The following ARHGAP26 variants were observed in gnomAD, a reference collection of about 807,000 sequenced individuals.
ARHGAP26 encodes the protein Rho GTPase activating protein 26.
A neutral mutation model predicts 104.8 loss-of-function variants in ARHGAP26; 38 were observed. That is an observed-to-expected ratio of 0.36 (90% CI 0.28 to 0.48). The LOEUF is 0.48. ARHGAP26 is among the 20% of genes least tolerant of loss of function. The pLI is 0.99. For synonymous variants in ARHGAP26, 341 were observed against 340.0 expected (o/e 1.00, Z -0.03); for missense variants, 704 against 947.9 (o/e 0.74, Z 3.38).
chr5:143,188,423 C>T (rs1805458768), intron 20 of ARHGAP26, among the ~76,000 whole-genome samples: 1 of 152,210 alleles, frequency 6.6e-6, no homozygotes, highest in South Asian at 2.1e-4. Context: ...TTGTAAAGTA[C>T]ATTTGATTTT....
intron 17 of ARHGAP26, among the ~76,000 whole-genome samples, chr5:143,101,586 TTG>T (rs1330543571): frequency 6.6e-6 from 1 of 152,186 alleles, no homozygotes; most frequent in Non-Finnish European, 1.5e-5. Flanking sequence ...GCTTTGGTGT[TTG>T]TCAGATATAA....
chr5:142,907,531 G>A (rs2152468694), intron 8 of ARHGAP26, 173 bp from the exon 9 acceptor site: 1 of 363,486 alleles, frequency 2.8e-6, no homozygotes, highest in South Asian at 1.1e-4. Flanking sequence ...TGAGCCTGTG[G>A]GATCAGATTT....
intron 11 of ARHGAP26, among the ~76,000 whole-genome samples, chr5:142,987,370 G>T (rs1460508972): frequency 6.6e-6 from 1 of 152,184 alleles, no homozygotes; most frequent in Admixed American, 6.5e-5. Flanking sequence ...TGCTGAAGTT[G>T]CTTATCAGCT....
At chr5:143,092,752 G>C (rs930541069) in intron 17 of ARHGAP26, among the ~76,000 whole-genome samples, 13 of 152,128 alleles carry the variant, frequency 8.5e-5, no homozygotes, top group Admixed American at 3.9e-4. Context: ...ATAAGACCTC[G>C]TTCAGTCCAT....
intron 11 of ARHGAP26, among the ~76,000 whole-genome samples, chr5:142,936,146 C>CA (rs1255246557): frequency 1.3e-5 from 2 of 148,862 alleles, no homozygotes; most frequent in South Asian, 2.1e-4. Context: ...CACACACACA[C>CA]CCCTTCTATA....
chr5:142,846,751 T>C (rs1772039840), intron 1 of ARHGAP26, among the ~76,000 whole-genome samples: 1 of 152,236 alleles, frequency 6.6e-6, no homozygotes. Flanking sequence ...CACTTTGGTA[T>C]CTTATTTGAG....
At chr5:143,087,069 CAT>C (rs3836774) in intron 17 of ARHGAP26, among the ~76,000 whole-genome samples, 38 of 152,324 alleles carry the variant, frequency 2.5e-4, no homozygotes, top group African/African-American at 7.9e-4. Context: ...CATTGTGACT[CAT>C]GTGTGTTATC....
chr5:143,037,096 G>A, intron 12 of ARHGAP26, 100 bp from the exon 13 acceptor site: 1 of 741,004 alleles, frequency 1.3e-6, no homozygotes, highest in Non-Finnish European at 2.2e-6. Context: ...AAGGATATGT[G>A]ACCACAGCAT....
intron 11 of ARHGAP26, among the ~76,000 whole-genome samples, chr5:142,964,588 CA>C (rs3836776): frequency 0.38 from 57,760 of 151,088 alleles, 12,300 homozygotes; most frequent in East Asian, 0.78. Flanking sequence ...ACAACAGCAG[CA>C]AAAAAAACCG....
At chr5:143,033,673 C>T (rs559524614) in intron 12 of ARHGAP26, among the ~76,000 whole-genome samples, 1 of 152,280 alleles carries the variant, frequency 6.6e-6, no homozygotes, top group South Asian at 2.1e-4. Context: ...AGAAGTTCGT[C>T]AATGCCTAGA....
intron 19 of ARHGAP26, among the ~76,000 whole-genome samples, chr5:143,142,501 A>T (rs892159484): frequency 2.4e-4 from 29 of 123,286 alleles, no homozygotes; most frequent in African/African-American, 1.5e-3. Flanking sequence ...GATTTTTTTA[A>T]AAAAAAAACA....
intron 11 of ARHGAP26, among the ~76,000 whole-genome samples, chr5:142,964,902 G>A (rs528708947): frequency 2.0e-5 from 3 of 152,270 alleles, no homozygotes; most frequent in East Asian, 1.9e-4. Context: ...CCACCAATGC[G>A]CGGAGACCAG....
At chr5:143,136,139 C>A (rs1797884297) in intron 19 of ARHGAP26, among the ~76,000 whole-genome samples, 1 of 152,172 alleles carries the variant, frequency 6.6e-6, no homozygotes, top group South Asian at 2.1e-4. Flanking sequence ...TAGAATGAAG[C>A]AGAAGCAGCT....
intron 11 of ARHGAP26, among the ~76,000 whole-genome samples, chr5:142,933,051 A>T (rs1444155732): frequency 6.6e-6 from 1 of 152,248 alleles, no homozygotes; most frequent in Non-Finnish European, 1.5e-5. Flanking sequence ...AACTATAATT[A>T]AGCATTGTTT....
intron 11 of ARHGAP26, chr5:143,011,098 C>T (rs975263901): frequency 6.6e-6 from 1 of 152,364 alleles, no homozygotes; most frequent in Non-Finnish European, 1.5e-5. Context: ...TTATCTCCTA[C>T]CCCTCTCTGC....
chr5:142,839,043 C>G (rs1770189821), intron 1 of ARHGAP26, among the ~76,000 whole-genome samples: 1 of 152,238 alleles, frequency 6.6e-6, no homozygotes, highest in Admixed American at 6.5e-5. Flanking sequence ...CCTTCCTGGA[C>G]TCCGTCCTAG....
intron 11 of ARHGAP26, among the ~76,000 whole-genome samples, chr5:142,959,406 A>G (rs1478189705): frequency 1.3e-5 from 2 of 152,198 alleles, no homozygotes; most frequent in Non-Finnish European, 2.9e-5. Flanking sequence ...TCAGGCTAGA[A>G]ATCAAGGTGT....
intron 20 of ARHGAP26, among the ~76,000 whole-genome samples, chr5:143,175,759 G>A (rs961619032): frequency 5.3e-5 from 8 of 152,044 alleles, no homozygotes; most frequent in Non-Finnish European, 1.0e-4. Flanking sequence ...GCCATAAGAA[G>A]GTTTTTGTTT....
chr5:142,866,854 TAA>T (rs1302303486), intron 1 of ARHGAP26: 1 of 152,094 alleles, frequency 6.6e-6, no homozygotes, highest in Non-Finnish European at 1.5e-5. Flanking sequence ...CTGGGGGAGA[TAA>T]GAGGTTTTCT....
Sources: allele counts gnomAD v4.1 joint callset (sites outside exome capture counted in the v4.1 genomes callset), GRCh38; gene constraint gnomAD v4.1.1; transcripts MANE v1.5; gene names NCBI Gene and HGNC (gene_info 2026-07-23, HGNC 2026-07-21).